RNASET2: variants seen among roughly 807,000 people sequenced by gnomAD.
RNASET2 encodes the protein ribonuclease 6.
Under a neutral mutation model 33.9 loss-of-function variants are expected in RNASET2, and 28 were observed. The observed-to-expected ratio is 0.83, with a 90% CI of 0.61 to 1.13. The LOEUF is 1.13. Ranked by LOEUF, RNASET2 falls within the 50% of genes most tolerant of loss-of-function variation. The pLI, the probability that RNASET2 is intolerant of heterozygous loss-of-function variation, is 0.00. For synonymous variants in RNASET2, 123 were observed against 121.0 expected (o/e 1.02, Z -0.11); for missense variants, 330 against 319.9 (o/e 1.03, Z -0.24).
intron 4 of RNASET2, chr6:166,943,576 T>C (rs1466629351): frequency 3.0e-6 from 1 of 329,734 alleles, no homozygotes; most frequent in Non-Finnish European, 5.9e-6. Context: ...GCTCAGGGGG[T>C]TTAGGGCCAG....
intron 7 of RNASET2, 79 bp from the exon 8 acceptor site, chr6:166,931,197 C>T: frequency 9.7e-7 from 1 of 1,035,878 alleles, no homozygotes; most frequent in Non-Finnish European, 1.5e-6. Context: ...CTGAGCGCAA[C>T]AGTGGCAGGG....
Position 166,956,292 on chromosome 6 carries a change from G to A in RNASET2, c.-110C>T. 1.8e-6 allele frequency: 2 copies of A among 1,082,812 alleles called. No homozygotes were observed. The highest frequency in any genetic ancestry group is 1.4e-6 in the Non-Finnish European group (1 of 726,626). 67.1% of individuals were successfully genotyped at this position (1,082,812 alleles called of 1,614,324 possible). The stretch of plus-strand genomic sequence containing the variant: ...AACGCTGTCTCCGAGCCCCCGCGCC[G>A]CCGCGCTCCCTCCGCTGCAGCAGCG... On this transcript the variant is annotated 5_prime_UTR_variant, in exon 1 of 9. Coordinates refer to ENST00000508775, the MANE Select transcript of RNASET2 (RefSeq NM_003730.6).
In RNASET2 at chr6:166,925,472, ACTGCCCAGCCCTCACCTCCC is replaced by A. The variant is rs1414859590; in HGVS notation, c.*4096_*4115del. Among the ~76,000 whole-genome samples, 5 of 141,150 alleles carry A rather than the reference ACTGCCCAGCCCTCACCTCCC, an allele frequency of 3.5e-5. No individual in the cohort carries two copies. The East Asian group carries it at 1.1e-3, about 31-fold the overall frequency. 92.6% of individuals were successfully genotyped at this position (141,150 alleles called of 152,430 possible). A position where few individuals can be genotyped will look rare whatever the true frequency, so the allele number is the denominator to read the frequency against. On this transcript the variant is annotated 3_prime_UTR_variant, in exon 9 of 9. Coordinates refer to ENST00000508775, the MANE Select transcript of RNASET2 (RefSeq NM_003730.6). ...CCTCTGCCACCCAGGCCTCATCTAT[ACTGCCCAGCCCTCACCTCCC>A]CTGTCCAGCCCTCACCTCCCCGGTC...
At chr6:166,938,284 G>A (rs1259737563) in intron 6 of RNASET2, among the ~76,000 whole-genome samples, 3 of 152,142 alleles carry the variant, frequency 2.0e-5, no homozygotes, top group Admixed American at 6.5e-5. Context: ...GCACACCCTG[G>A]CTCTCTAGCA....
At chr6:166,947,471 C>T (rs1778876267) in intron 3 of RNASET2, among the ~76,000 whole-genome samples, 1 of 152,166 alleles carries the variant, frequency 6.6e-6, no homozygotes, top group Admixed American at 6.5e-5. Context: ...TGAAACCTGC[C>T]TGATTCTATC....
intron 6 of RNASET2, among the ~76,000 whole-genome samples, chr6:166,936,750 A>G (rs2128644937): frequency 1.3e-5 from 2 of 152,360 alleles, no homozygotes; most frequent in Middle Eastern, 6.8e-3. Flanking sequence ...TCAACATGAG[A>G]TTTGGTGGGG....
Position 166,956,206 on chromosome 6 carries a change from C to T in RNASET2, c.-24G>A. On this transcript the variant is annotated 5_prime_UTR_variant, in exon 1 of 9. Transcript: ENST00000508775. ...ATGGTGCCGACCTGCGGAGAGAACG[C>T]TGCCAGCTGCCGCTCCGGCTCCCAC... The T allele has an allele frequency of 6.5e-7, 1 of 1,542,426 alleles. No homozygotes were observed. The highest frequency in any genetic ancestry group is 8.8e-7 in the Non-Finnish European group (1 of 1,141,038).
rs1295019127 is a variant in RNASET2 at position 166,927,732 on chromosome 6, A to C, written c.*1856T>G. ...ATGACTCAAAAAAAAAAAAAAAAAA[A>C]AAAAGAATTGACATCATTTAAAGGA... is the stretch of plus-strand genomic sequence containing the variant. On this transcript the variant is annotated 3_prime_UTR_variant, in exon 9 of 9. Coordinates refer to ENST00000508775, the MANE Select transcript of RNASET2 (RefSeq NM_003730.6). Among the ~76,000 whole-genome samples the C allele has an allele frequency of 6.6e-6, 1 of 151,756 alleles. No homozygotes were observed. The highest frequency in any genetic ancestry group is 6.6e-5 in the Admixed American group (1 of 15,246).
intron 2 of RNASET2, among the ~76,000 whole-genome samples, chr6:166,949,795 C>G (rs745569780): frequency 1.3e-5 from 2 of 152,182 alleles, no homozygotes; most frequent in Non-Finnish European, 2.9e-5. Flanking sequence ...GGGCTCTGCA[C>G]AGCACTCAGT....
intron 4 of RNASET2, 172 bp from the exon 5 acceptor site, chr6:166,943,261 T>C (rs1054848960): frequency 1.8e-6 from 1 of 562,054 alleles, no homozygotes; most frequent in Non-Finnish European, 3.2e-6. Flanking sequence ...TTAAGATATA[T>C]CTACAAGTGC....
chr6:166,929,982 C>A (rs1396954572), intron 8 of RNASET2, among the ~76,000 whole-genome samples, 191 bp from the exon 9 acceptor site: 1 of 152,162 alleles, frequency 6.6e-6, no homozygotes, highest in Non-Finnish European at 1.5e-5. Flanking sequence ...AGGAGTGGCC[C>A]CAGGTGACTC....
At position 166,927,497 on chromosome 6, in the gene RNASET2, T is replaced by C. The variant is rs1049368331; in HGVS notation, c.*2091A>G. On this transcript the variant is annotated 3_prime_UTR_variant, in exon 9 of 9. Transcript: ENST00000508775. ...ATCCGCTCTCAAATGCTCACACTCA[T>C]ATAATAAATACACGCTACTTAAAAA... Among the ~76,000 whole-genome samples the C allele has an allele frequency of 6.6e-6, 1 of 151,668 alleles. No homozygotes were observed. Among genetic ancestry groups the C allele is most frequent in the African/African-American group, 2.4e-5 (1 of 41,154 alleles).
chr6:166,934,295 T>C, intron 6 of RNASET2, 159 bp from the exon 7 acceptor site: 1 of 654,240 alleles, frequency 1.5e-6, no homozygotes, highest in South Asian at 1.7e-5. Flanking sequence ...GGACTGCAAA[T>C]ACATGGTTCC....
At chr6:166,938,471 T>A in intron 6 of RNASET2, 1 of 512,530 alleles carries the variant, frequency 2.0e-6, no homozygotes, top group African/African-American at 1.9e-5. Context: ...CTGGCCCACA[T>A]CTCTTTCCTG....
chr6:166,936,132 A>G (rs1778559838), intron 6 of RNASET2, among the ~76,000 whole-genome samples: 1 of 152,266 alleles, frequency 6.6e-6, no homozygotes, highest in African/African-American at 2.4e-5. Flanking sequence ...CCTTGGAGAA[A>G]CTAAGAATAT....
In RNASET2 at chr6:166,923,252, G is replaced by A. The variant is rs1242149182; in HGVS notation, c.*6336C>T. 2.2e-5 allele frequency among the ~76,000 whole-genome samples: 2 copies of A among 91,788 alleles called. No homozygotes were observed. The highest frequency in any genetic ancestry group is 3.7e-5 in the Non-Finnish European group (2 of 53,434). The allele number at this position is 91,788 out of a possible 152,430, so 60.2% of individuals were successfully genotyped here. On this transcript the variant is annotated 3_prime_UTR_variant, in exon 9 of 9. Coordinates refer to ENST00000508775, the MANE Select transcript of RNASET2 (RefSeq NM_003730.6). Reference sequence around the variant, plus strand: ...CCTTTTTTTTTTTTTTTTTTTTTGAGACAGAGTCTTACTCTGTTGCCCAAG... The same window carrying A: ...CCTTTTTTTTTTTTTTTTTTTTTGAAACAGAGTCTTACTCTGTTGCCCAAG...
In RNASET2 at chr6:166,924,991, C is replaced by T. The variant is rs73041461; in HGVS notation, c.*4597G>A. ...AGAAGTACAGGCCTCACCTCCACCG[C>T]GCAGGCCTCATCTACGCCATCCAGC... On this transcript the variant is annotated 3_prime_UTR_variant, in exon 9 of 9. Coordinates refer to ENST00000508775, the MANE Select transcript of RNASET2 (RefSeq NM_003730.6). Among the ~76,000 whole-genome samples the T allele has an allele frequency of 2.0e-5, 3 of 151,974 alleles. No homozygotes were observed. The highest frequency in any genetic ancestry group is 4.8e-5 in the African/African-American group (2 of 41,362).
Position 166,956,410 on chromosome 6 carries a change from G to A in RNASET2, c.-228C>T. Reference sequence around the variant, plus strand: ...CGGGAATGGCCGCAGCAGCCCTGGCGACCCGGGCCCCTCGGAGCTCCCCTT... The same window carrying A: ...CGGGAATGGCCGCAGCAGCCCTGGCAACCCGGGCCCCTCGGAGCTCCCCTT... On this transcript the variant is annotated 5_prime_UTR_variant, in exon 1 of 9. Coordinates refer to ENST00000508775, the MANE Select transcript of RNASET2 (RefSeq NM_003730.6). 1.7e-6 allele frequency: 1 copy of A among 572,538 alleles called. No homozygotes were observed. The highest frequency in any genetic ancestry group is 1.9e-5 in the African/African-American group (1 of 51,668). 35.5% of individuals were successfully genotyped at this position (572,538 alleles called of 1,614,324 possible).
chr6:166,933,931 G>A lies in RNASET2; in HGVS notation c.492+160C>T, dbSNP rs1017112422. 3.2e-5 allele frequency: 23 copies of A among 709,328 alleles called. No individual in the cohort carries two copies. The African/African-American group carries it at 3.9e-4, about 12-fold the overall frequency. The allele number at this position is 709,328 out of a possible 1,614,324, so 43.9% of individuals were successfully genotyped here. ...TTCAGCTCCTACTCAACATGCGCAGGAAAATAAAATGCAAATAAAATCTGT... is the reference window on the plus strand; with the variant it reads ...TTCAGCTCCTACTCAACATGCGCAGAAAAATAAAATGCAAATAAAATCTGT... On this transcript the variant is annotated intron_variant, in intron 7 of 8. Transcript: ENST00000508775. This position sits in a 1 kb window ranked among gnomAD's most constrained non-coding sequence, Gnocchi z 4.1.
Sources: gnomAD v4.1 joint callset for allele counts (sites outside exome capture counted in the v4.1 genomes callset) on GRCh38, gnomAD v4.1.1 for gene constraint, Gnocchi (gnomAD v3.1) non-coding constraint, MANE v1.5 for transcripts, NCBI Gene and HGNC (gene_info 2026-07-23, HGNC 2026-07-21) for gene names.